Variants in MAX observed in about 807,000 individuals in gnomAD.
MAX encodes the protein MYC associated transcriptional regulator X, also known as protein max.
A neutral mutation model predicts 22.3 loss-of-function variants in MAX; 3 were observed. The ratio of observed to expected loss-of-function variants is 0.13; its 90% CI spans 0.06 to 0.35. The LOEUF (loss-of-function observed/expected upper bound fraction) is 0.35, where lower values mean the gene tolerates loss of function less well. Among genes scored for constraint, MAX ranks in the 10% least tolerant of loss-of-function variants. MAX has a pLI of 1.00. For missense variants in MAX, 119 were observed against 209.4 expected, an observed-to-expected ratio of 0.57 and a Z score of 2.66; for synonymous variants, 72 against 77.7, an observed-to-expected ratio of 0.93 and a Z score of 0.39.
At chr14:65,024,565 A>G (rs72625658) in intron 3 of MAX, among the ~76,000 whole-genome samples, 16,408 of 152,216 alleles carry the variant, frequency 0.11, 1,179 homozygotes, top group East Asian at 0.3. Flanking sequence ...CTTTGCTGGT[A>G]ATTGGCACGT....
intron 3 of MAX, among the ~76,000 whole-genome samples, chr14:65,036,732 C>T (rs1227397980): frequency 6.6e-6 from 1 of 152,022 alleles, no homozygotes. Flanking sequence ...CTTGCTCTGT[C>T]ACCCAGGTTG....
chr14:65,044,100 G>C lies in MAX; in HGVS notation c.172-37816C>G, dbSNP rs768161899. ...AGGCATTGAGCAGAGATCAGTGCTG[G>C]ATGCCTCTACAGCGTTGGCTTAAAT... is the stretch of plus-strand genomic sequence containing the variant. On this transcript the variant is annotated intron_variant, in intron 3 of 3. Coordinates refer to the MAX transcript ENST00000341653. This position sits in a 1 kb window ranked among gnomAD's most constrained non-coding sequence, Gnocchi z 5.5. 6.6e-6 allele frequency among the ~76,000 whole-genome samples: 1 copy of C among 152,192 alleles called. No individual in the cohort carries two copies. Among genetic ancestry groups the C allele is most frequent in the Admixed American group, 6.5e-5 (1 of 15,278 alleles).
intron 3 of MAX, among the ~76,000 whole-genome samples, chr14:65,025,166 G>A (rs1050812727): frequency 1.3e-5 from 2 of 152,188 alleles, no homozygotes; most frequent in African/African-American, 4.8e-5. Context: ...CATGTCAGCT[G>A]AGGGAGGTTG....
chr14:65,054,763 A>G lies in MAX; in HGVS notation c.171+38945T>C, dbSNP rs147667395. On this transcript the variant is annotated intron_variant, in intron 3 of 3. Transcript: ENST00000341653. This position sits in a 1 kb window ranked among gnomAD's most constrained non-coding sequence, Gnocchi z 4.4. Reference sequence around the variant, plus strand: ...GACAGAAGGCTTTCCAAGTAAGCAGAACTGGCTCTGCATTTCCTGTGTGGA... The same window carrying G: ...GACAGAAGGCTTTCCAAGTAAGCAGGACTGGCTCTGCATTTCCTGTGTGGA... 4.4e-4 allele frequency: 648 copies of G among 1,480,378 alleles called. 1 individual carries two copies. Among genetic ancestry groups the G allele is most frequent in the Non-Finnish European group, 5.7e-4 (619 of 1,086,352 alleles). The allele number at this position is 1,480,378 out of a possible 1,614,324, so 91.7% of individuals were successfully genotyped here.
At chr14:65,060,532 T>C (rs1196244730) in intron 3 of MAX, among the ~76,000 whole-genome samples, 2 of 127,018 alleles carry the variant, frequency 1.6e-5, no homozygotes, top group Non-Finnish European at 3.0e-5. Context: ...CCGTCTCTAC[T>C]AAAAATACAA....
chr14:65,061,220 G>A (rs199546065), intron 3 of MAX: 5 of 1,614,152 alleles, frequency 3.1e-6, no homozygotes, highest in Non-Finnish European at 4.2e-6. Flanking sequence ...ACCAGACAAG[G>A]TGATCCAGGC....
intron 3 of MAX, among the ~76,000 whole-genome samples, chr14:65,090,904 G>A (rs1471366752): frequency 2.0e-5 from 3 of 152,212 alleles, no homozygotes; most frequent in South Asian, 4.2e-4. Context: ...TTTTACACAA[G>A]TATCCCCTAT....
downstream of MAX, among the ~76,000 whole-genome samples, chr14:65,071,515 A>G (rs1267409441): frequency 1.3e-5 from 2 of 152,196 alleles, no homozygotes; most frequent in Non-Finnish European, 2.9e-5. The surrounding 1 kb of genome is among the most constrained non-coding windows in gnomAD (Gnocchi z 4.2). Context: ...CACATCTAAG[A>G]TTTGACAGTA....
At chr14:65,046,735 G>A (rs1159114170) in intron 3 of MAX, among the ~76,000 whole-genome samples, 1 of 152,094 alleles carries the variant, frequency 6.6e-6, no homozygotes, top group East Asian at 1.9e-4. Context: ...TAGAAAGATA[G>A]TCACAATATA....
At chr14:65,066,091 C>T (rs1197131770) in intron 3 of MAX, among the ~76,000 whole-genome samples, 2 of 152,208 alleles carry the variant, frequency 1.3e-5, no homozygotes, top group Non-Finnish European at 1.5e-5. Context: ...TACCTCTAGG[C>T]TGGATGGCTG....
chr14:65,035,339 C>G (rs1300518481), intron 3 of MAX, among the ~76,000 whole-genome samples: 2 of 152,182 alleles, frequency 1.3e-5, no homozygotes, highest in African/African-American at 2.4e-5. Context: ...CAAAATCTGC[C>G]TGCCCTTTTT....
rs771764687 is a variant in MAX, at chr14:65,012,491, AGTCACTCTTTGTTCTCT to A, written c.172-6224_172-6208del. The A allele has an allele frequency of 7.6e-4, 1,122 of 1,478,362 alleles. No homozygotes were observed. The highest frequency in any genetic ancestry group is 1.0e-3 in the Non-Finnish European group (1,082 of 1,080,980). 91.6% of individuals were successfully genotyped at this position (1,478,362 alleles called of 1,614,324 possible). On this transcript the variant is annotated intron_variant, in intron 3 of 3. Transcript: ENST00000341653. The surrounding 1 kb of genome is among the most constrained non-coding windows in gnomAD (Gnocchi z 5.0). ...GACTGTTGGGGCTGACCTGTTGCAG[AGTCACTCTTTGTTCTCT>A]GTGGCTCTGGCAGGAGGTAGGGTGC...
chr14:65,102,246 C>T (rs2063871511), intron 1 of MAX, 58 bp downstream of exon 1: 2 of 1,608,016 alleles, frequency 1.2e-6, no homozygotes, highest in Admixed American at 1.7e-5. Context: ...CGCTAAGAGC[C>T]CCGGCCGCTG....
intron 3 of MAX, chr14:65,040,774 C>G: frequency 2.5e-6 from 4 of 1,609,966 alleles, no homozygotes; most frequent in Non-Finnish European, 3.4e-6. Flanking sequence ...TTCTGCTTTT[C>G]TCAATCTCTT....
intron 3 of MAX, among the ~76,000 whole-genome samples, chr14:65,059,833 TTTTC>T (rs2062820082): frequency 7.6e-6 from 1 of 132,254 alleles, no homozygotes; most frequent in Admixed American, 7.3e-5. Flanking sequence ...TGTGGTCCTT[TTTTC>T]TTTTTTTTTT....
chr14:65,092,512 GTGT>G (rs2063537807), intron 3 of MAX, among the ~76,000 whole-genome samples: 1 of 152,226 alleles, frequency 6.6e-6, no homozygotes, highest in Non-Finnish European at 1.5e-5. Flanking sequence ...GTGGTACTTA[GTGT>G]TGTACCCAGG....
At chr14:65,051,970 T>A (rs2062625141) in intron 3 of MAX, among the ~76,000 whole-genome samples, 1 of 152,050 alleles carries the variant, frequency 6.6e-6, no homozygotes, top group Non-Finnish European at 1.5e-5. Flanking sequence ...AATTTTTTTG[T>A]ATTTTTAGTA....
At position 65,078,825 on chromosome 14, in the gene MAX, C is replaced by T. The variant is rs887229554; in HGVS notation, c.172-789G>A. ...GATTACAGGCGTGAGCCACTGCATC[C>T]GTGAAGGCCTTCTTTGTGACATACA... On this transcript the variant is annotated intron_variant, in intron 3 of 4. Coordinates refer to ENST00000358664, the MANE Select transcript of MAX (RefSeq NM_002382.5). The surrounding 1 kb of genome is among the most constrained non-coding windows in gnomAD (Gnocchi z 6.4). 2.0e-5 allele frequency among the ~76,000 whole-genome samples: 3 copies of T among 152,086 alleles called. No homozygotes were observed. The highest frequency in any genetic ancestry group is 4.8e-5 in the African/African-American group (2 of 41,330).
chr14:65,101,497 G>T (rs2781373), intron 2 of MAX, 49 bp downstream of exon 2: 1 of 1,521,972 alleles, frequency 6.6e-7, no homozygotes, highest in Non-Finnish European at 9.1e-7. Context: ...CCCCAAAAAG[G>T]AATAGAACTG....
Sources: allele counts gnomAD v4.1 joint callset (sites outside exome capture counted in the v4.1 genomes callset), GRCh38; gene constraint gnomAD v4.1.1; non-coding constraint Gnocchi (gnomAD v3.1); transcripts MANE v1.5; gene names NCBI Gene and HGNC (gene_info 2026-07-23, HGNC 2026-07-21).